The following ZCCHC14 variants were observed in gnomAD, a reference collection of about 807,000 sequenced individuals.
The protein encoded by ZCCHC14 is zinc finger CCHC-type containing 14.
A neutral mutation model predicts 85.0 loss-of-function variants in ZCCHC14; 16 were observed. That is an observed-to-expected ratio of 0.19 (90% CI 0.13 to 0.29). The LOEUF (loss-of-function observed/expected upper bound fraction) is 0.29, where lower values mean the gene tolerates loss of function less well. Ranked by LOEUF, ZCCHC14 falls within the 10% of genes least tolerant of loss-of-function variation. The pLI is 1.00. For synonymous variants in ZCCHC14, 775 were observed against 630.7 expected (o/e 1.23, Z -3.43); for missense variants, 1,303 against 1,443.5 (o/e 0.90, Z 1.58).
chr16:87,463,268 A>C (rs1911359939), intron 1 of ZCCHC14, among the ~76,000 whole-genome samples: 1 of 151,116 alleles, frequency 6.6e-6, no homozygotes, highest in Non-Finnish European at 1.5e-5. Context: ...TGCAGTCCCA[A>C]CTACTTGGGA....
In ZCCHC14 at chr16:87,428,586, G is replaced by A. The variant is rs1489844616; in HGVS notation, c.768+4542C>T. 3.3e-5 allele frequency among the ~76,000 whole-genome samples: 5 copies of A among 152,214 alleles called. No homozygotes were observed. In the East Asian group the frequency reaches 9.6e-4, roughly 29 times the overall value. On this transcript the variant is annotated intron_variant, in intron 3 of 12. Coordinates refer to ENST00000671377, the MANE Select transcript of ZCCHC14 (RefSeq NM_015144.3). ...GGAGTTGTAATGAATTATAACTGAC[G>A]ATGAACTGCACGTATTTAAAGGGGT...
rs929913318 is a variant in ZCCHC14 at position 87,410,072 on chromosome 16, G to A, written c.*208C>T. The A allele has an allele frequency of 2.0e-5, 9 of 446,860 alleles. No homozygotes were observed. Among genetic ancestry groups the A allele is most frequent in the East Asian group, 1.1e-4 (3 of 26,210 alleles). 27.7% of individuals were successfully genotyped at this position (446,860 alleles called of 1,614,324 possible). A position where few individuals can be genotyped will look rare whatever the true frequency, so the allele number is the denominator to read the frequency against. On this transcript the variant is annotated 3_prime_UTR_variant, in exon 13 of 13. Coordinates refer to ENST00000671377, the MANE Select transcript of ZCCHC14 (RefSeq NM_015144.3). ...CCAGCCACAGAGATGCCCACTAGGC[G>A]AGTTCTGACACCAAGCTCCAATCTA... is the stretch of plus-strand genomic sequence containing the variant.
intron 1 of ZCCHC14, among the ~76,000 whole-genome samples, chr16:87,476,312 G>T (rs1348562354): frequency 6.6e-6 from 1 of 152,150 alleles, no homozygotes; most frequent in Non-Finnish European, 1.5e-5. Context: ...GTTCCACTTA[G>T]GGGTTGGGGG....
At position 87,413,205 on chromosome 16, in the gene ZCCHC14, A is replaced by G. The variant is rs748157798; in HGVS notation, c.1604-10T>C. 5 of 1,536,210 alleles carry G rather than the reference A, an allele frequency of 3.3e-6. No individual in the cohort carries two copies. The African/African-American group carries it at 6.9e-5, about 21-fold the overall frequency. ...ACTTCCACCCGCAGCTCTGCAGAAA[A>G]GGGACAGAGGAGCAGCCATCAACTA... On this transcript the variant is annotated splice_polypyrimidine_tract_variant and intron_variant, in intron 10 of 12. Transcript: ENST00000671377.
chr16:87,467,045 G>A (rs67036740), intron 1 of ZCCHC14: 1 of 279,158 alleles, frequency 3.6e-6, no homozygotes, highest in Non-Finnish European at 6.5e-6. Flanking sequence ...AAAAAAAATT[G>A]TTTTTTTTTT....
At chr16:87,419,945 A>G in intron 5 of ZCCHC14, 68 bp from the exon 6 acceptor site, 1 of 1,397,558 alleles carries the variant, frequency 7.2e-7, no homozygotes, top group Non-Finnish European at 9.8e-7. Context: ...GAAAGAAAAA[A>G]ATTTAACTTT....
At chr16:87,419,384 A>C (rs1186983956) in intron 6 of ZCCHC14, among the ~76,000 whole-genome samples, 1 of 148,868 alleles carries the variant, frequency 6.7e-6, no homozygotes, top group African/African-American at 2.5e-5. Context: ...CACTGCAACC[A>C]CCGCCTCCCG....
chr16:87,433,192 T>C lies in ZCCHC14; in HGVS notation c.704A>G (p.Glu235Gly). Residue 235 changes from glutamate (E) to glycine (G), a missense_variant, in exon 3 of 13, where the codon GAA becomes GGA. Physicochemically the swap from Glu to Gly is moderately conservative, Grantham distance 98. Around this residue, in one of 7 missense-constraint regions of ZCCHC14, gnomAD observed 389 missense variants for 397.8 expected, o/e 0.98. Coordinates refer to ENST00000671377, the MANE Select transcript of ZCCHC14 (RefSeq NM_015144.3). ...PLGKHSKVSV[E>G]KIDLKGLSHT... ...TGATAATCCCTTCAGGTCTATCTTT[T>C]CAACACTCACTGTAAAAGTAAAACA... The C allele has an allele frequency of 6.2e-7, 1 of 1,614,090 alleles. No homozygotes were observed. The highest frequency in any genetic ancestry group is 8.5e-7 in the Non-Finnish European group (1 of 1,179,976).
chr16:87,427,130 A>C (rs1047323137), intron 3 of ZCCHC14, among the ~76,000 whole-genome samples: 1 of 152,232 alleles, frequency 6.6e-6, no homozygotes, highest in Non-Finnish European at 1.5e-5. Context: ...ACAGTGTTGG[A>C]TACTGGGTGA....
chr16:87,409,695 G>T lies in ZCCHC14; in HGVS notation c.*585C>A, dbSNP rs1908349062. ...TGCTGGTGCTGACTCTTTCAATATG[G>T]ATTATTGGAGTCTCTTGCACTGACT... is the stretch of plus-strand genomic sequence containing the variant. On this transcript the variant is annotated 3_prime_UTR_variant, in exon 13 of 13. Transcript: ENST00000671377. The T allele has an allele frequency of 6.6e-6, 1 of 152,654 alleles. No homozygotes were observed. The highest frequency in any genetic ancestry group is 2.4e-5 in the African/African-American group (1 of 41,458). The allele number at this position is 152,654 out of a possible 1,614,324, so 9.5% of individuals were successfully genotyped here.
intron 1 of ZCCHC14, among the ~76,000 whole-genome samples, chr16:87,485,680 T>C (rs1408964295): frequency 1.3e-5 from 2 of 152,056 alleles, no homozygotes; most frequent in Non-Finnish European, 2.9e-5. Flanking sequence ...GCAGAAATTT[T>C]TCCTAGCATA....
chr16:87,411,411 A>T, intron 12 of ZCCHC14, 105 bp downstream of exon 12: 1 of 1,534,154 alleles, frequency 6.5e-7, no homozygotes, highest in Non-Finnish European at 8.7e-7. Flanking sequence ...CATTCGAAAA[A>T]TTATTTGCTT....
chr16:87,467,556 C>G, intron 1 of ZCCHC14: 1 of 1,570,628 alleles, frequency 6.4e-7, no homozygotes, highest in Non-Finnish European at 8.8e-7. Context: ...TAATGTCATC[C>G]CACCAATTCC....
At position 87,462,531 on chromosome 16, in the gene ZCCHC14, G is replaced by C. The variant is rs201351715; in HGVS notation, c.571-2400C>G. ...CGAGGCAGGTGGATCACAAGGTCGGGAGATCAAGACCATCCTGGCTAACAC... is the reference window on the plus strand; with the variant it reads ...CGAGGCAGGTGGATCACAAGGTCGGCAGATCAAGACCATCCTGGCTAACAC... On this transcript the variant is annotated intron_variant, in intron 1 of 12. Transcript: ENST00000671377. Among the ~76,000 whole-genome samples the C allele has an allele frequency of 4.0e-5, 6 of 148,726 alleles. No individual in the cohort carries two copies. The East Asian group carries it at 1.2e-3, about 31-fold the overall frequency.
chr16:87,443,153 C>T lies in ZCCHC14; in HGVS notation c.695-9952G>A, dbSNP rs1039216864. ...TGAAAACAAAAATCATTAACGCGGT[C>T]CCAAGCAGCTTTCGATGCCTGCGGA... On this transcript the variant is annotated intron_variant, in intron 2 of 12. Coordinates refer to ENST00000671377, the MANE Select transcript of ZCCHC14 (RefSeq NM_015144.3). Among the ~76,000 whole-genome samples, 9 of 152,294 alleles carry T rather than the reference C, an allele frequency of 5.9e-5. No individual in the cohort carries two copies. In the South Asian group the frequency reaches 1.5e-3, roughly 25 times the overall value.
intron 3 of ZCCHC14, among the ~76,000 whole-genome samples, chr16:87,426,076 C>T (rs1038669045): frequency 1.3e-5 from 2 of 152,208 alleles, no homozygotes; most frequent in African/African-American, 4.8e-5. Flanking sequence ...AAAGTGAGCA[C>T]TGGAAACAGA....
In ZCCHC14 at chr16:87,466,838, C is replaced by T. The variant is rs115721338; in HGVS notation, c.571-6707G>A. 6.5e-3 allele frequency among the ~76,000 whole-genome samples: 982 copies of T among 152,172 alleles called. 9 individuals are homozygous for T. Among genetic ancestry groups the T allele is most frequent in the African/African-American group, 0.022 (912 of 41,498 alleles). On this transcript the variant is annotated intron_variant, in intron 1 of 12. Transcript: ENST00000671377. ...GAGAAAGTGAAGTTGTGATGGCTTC[C>T]ACTCTCCATGGCTAGGAGCCCCTAC...
intron 1 of ZCCHC14, among the ~76,000 whole-genome samples, chr16:87,478,008 C>A (rs1042973625): frequency 6.6e-6 from 1 of 152,194 alleles, no homozygotes; most frequent in Admixed American, 6.5e-5. Context: ...ACCACTGATA[C>A]GCCCCCACGC....
At chr16:87,425,467 T>C (rs1301148759) in intron 3 of ZCCHC14, among the ~76,000 whole-genome samples, 1 of 151,826 alleles carries the variant, frequency 6.6e-6, no homozygotes, top group Non-Finnish European at 1.5e-5. Flanking sequence ...TCCTAGCTAC[T>C]TGGGAGACTG....
Sources: allele counts gnomAD v4.1 joint callset (sites outside exome capture counted in the v4.1 genomes callset), GRCh38; gene constraint gnomAD v4.1.1; regional missense constraint gnomAD v4.1.1; transcripts MANE v1.5; gene names NCBI Gene and HGNC (gene_info 2026-07-23, HGNC 2026-07-21).